The following MARK3 variants were observed in gnomAD, a reference collection of about 807,000 sequenced individuals.
MARK3 encodes MAP/microtubule affinity-regulating kinase 3.
In MARK3, 46 loss-of-function variants were observed where a neutral mutation model predicts 90.1. The observed-to-expected ratio is 0.51, with a 90% CI of 0.40 to 0.65. The LOEUF (loss-of-function observed/expected upper bound fraction) is 0.65. MARK3 is among the 30% of genes least tolerant of loss of function. The pLI, the probability that MARK3 is intolerant of heterozygous loss-of-function variation, is 0.00. For synonymous variants in MARK3, 321 were observed against 332.6 expected, an observed-to-expected ratio of 0.97 and a Z score of 0.38; for missense variants, 818 against 947.2, an observed-to-expected ratio of 0.86 and a Z score of 1.79.
rs562780072 is a variant in MARK3, at chr14:103,426,732, G to A, written c.244-1655G>A. 4.6e-5 allele frequency among the ~76,000 whole-genome samples: 7 copies of A among 152,126 alleles called. No individual in the cohort carries two copies. In the South Asian group the frequency reaches 1.5e-3, roughly 32 times the overall value. On this transcript the variant is annotated intron_variant, in intron 2 of 17. Transcript: ENST00000429436. The stretch of plus-strand genomic sequence containing the variant: ...GCTATAGTACTTCCTATATCCTAAT[G>A]GGTTTTAAAAACACTGGCTGGGGCA...
intron 1 of MARK3, among the ~76,000 whole-genome samples, chr14:103,387,009 C>T (rs1335868264): frequency 1.3e-5 from 2 of 152,194 alleles, no homozygotes; most frequent in Non-Finnish European, 2.9e-5. Flanking sequence ...AAAAGTGTTT[C>T]AATCTAGTTG....
At chr14:103,393,332 G>C (rs560286908) in intron 1 of MARK3, among the ~76,000 whole-genome samples, 2 of 152,266 alleles carry the variant, frequency 1.3e-5, no homozygotes, top group East Asian at 1.9e-4. Context: ...GAATCAAGCT[G>C]TTTGGGCCTT....
At chr14:103,497,709 A>G (rs935762209) in intron 15 of MARK3, among the ~76,000 whole-genome samples, 19 of 152,222 alleles carry the variant, frequency 1.2e-4, no homozygotes, top group Non-Finnish European at 2.9e-5. Flanking sequence ...ATACCACTGT[A>G]GCAAATAATA....
chr14:103,405,495 T>C (rs1033961361), intron 2 of MARK3, among the ~76,000 whole-genome samples: 5 of 151,870 alleles, frequency 3.3e-5, no homozygotes, highest in Non-Finnish European at 7.4e-5. Flanking sequence ...GCAGTACAGG[T>C]GCCCGCCACC....
chr14:103,455,649 A>G (rs1250645073), intron 5 of MARK3, among the ~76,000 whole-genome samples: 1 of 151,092 alleles, frequency 6.6e-6, no homozygotes, highest in Non-Finnish European at 1.5e-5. Flanking sequence ...AATTGCTTGA[A>G]CGTTGGAGGC....
At chr14:103,414,896 G>C (rs1207461638) in intron 2 of MARK3, among the ~76,000 whole-genome samples, 1 of 152,076 alleles carries the variant, frequency 6.6e-6, no homozygotes, top group South Asian at 2.1e-4. Context: ...ACTTTAGGAG[G>C]CCAAGGTGGG....
At chr14:103,442,833 AAAAT>A (rs1421341156) in intron 3 of MARK3, among the ~76,000 whole-genome samples, 1 of 152,240 alleles carries the variant, frequency 6.6e-6, no homozygotes. Flanking sequence ...AAAAGGGAAC[AAAAT>A]AAATCTCAGG....
At chr14:103,499,932 C>T in intron 16 of MARK3, 2 of 566,326 alleles carry the variant, frequency 3.5e-6, no homozygotes, top group Non-Finnish European at 6.4e-6. Context: ...CAGTGTGCAG[C>T]ATGGAGCTGG....
intron 13 of MARK3, among the ~76,000 whole-genome samples, chr14:103,478,845 A>G: frequency 6.6e-6 from 1 of 151,958 alleles, no homozygotes; most frequent in African/African-American, 2.4e-5. Context: ...AGCCTGCAGC[A>G]TGTATTAGTA....
intron 14 of MARK3, among the ~76,000 whole-genome samples, chr14:103,484,989 GGGCGGATCACCTGAGGTCA>G (rs1350327001): frequency 4.8e-4 from 73 of 150,818 alleles, no homozygotes; most frequent in African/African-American, 1.7e-3. Flanking sequence ...AAGCTGAGGT[GGGCGGATCACCTGAGGTCA>G]GGAGTTTGAG....
chr14:103,502,909 T>TG lies in MARK3; in HGVS notation c.1945dup (p.Glu649GlyfsTer20). ...GCAATGTATCTGCTGAGCAAAAAGA[T>TG]GAAAACAAAGAAGCAAAGCCTCGAT... On this transcript the variant is annotated frameshift_variant, in exon 18 of 18. Coordinates refer to ENST00000429436, the MANE Select transcript of MARK3 (RefSeq NM_001128918.3). LOFTEE classifies it high-confidence loss of function. 6.2e-7 allele frequency: 1 copy of TG among 1,612,362 alleles called. No individual in the cohort carries two copies. Among genetic ancestry groups the TG allele is most frequent in the Non-Finnish European group, 8.5e-7 (1 of 1,178,542 alleles).
At chr14:103,456,243 C>G (rs1051344237) in intron 5 of MARK3, among the ~76,000 whole-genome samples, 1 of 152,142 alleles carries the variant, frequency 6.6e-6, no homozygotes, top group Non-Finnish European at 1.5e-5. Flanking sequence ...GTACTGATCT[C>G]CCTCTTGGTC....
intron 14 of MARK3, among the ~76,000 whole-genome samples, chr14:103,481,640 CGT>C (rs3071411): frequency 0.97 from 145,429 of 150,418 alleles, 70,471 homozygotes; most frequent in Non-Finnish European, 1. Flanking sequence ...TTTTATGACT[CGT>C]GTGTGTGTGT....
intron 8 of MARK3, 33 bp from the exon 9 acceptor site, chr14:103,465,939 T>TA: frequency 6.2e-7 from 1 of 1,600,680 alleles, no homozygotes; most frequent in South Asian, 1.1e-5. Context: ...AAGGTTGACT[T>TA]ACTCGTTTTC....
At chr14:103,431,359 T>G (rs1452053027) in intron 3 of MARK3, among the ~76,000 whole-genome samples, 2 of 151,740 alleles carry the variant, frequency 1.3e-5, no homozygotes, top group Admixed American at 1.3e-4. Flanking sequence ...CAGCCTCCAC[T>G]TGCTGGGATT....
intron 5 of MARK3, among the ~76,000 whole-genome samples, chr14:103,454,679 G>A (rs549672021): frequency 1.3e-5 from 2 of 152,228 alleles, no homozygotes; most frequent in South Asian, 4.1e-4. Context: ...TCCCCCACCC[G>A]CCAGCCTGCT....
At chr14:103,436,473 A>G (rs929760209) in intron 3 of MARK3, among the ~76,000 whole-genome samples, 11 of 151,576 alleles carry the variant, frequency 7.3e-5, no homozygotes, top group African/African-American at 2.7e-4. Context: ...CAGGCCATTA[A>G]CAAAAGTAGT....
chr14:103,399,134 A>G (rs914186676), intron 1 of MARK3, among the ~76,000 whole-genome samples: 1 of 152,182 alleles, frequency 6.6e-6, no homozygotes, highest in Non-Finnish European at 1.5e-5. Context: ...TGTTAAAAAA[A>G]TTTTTTACGG....
chr14:103,499,906 A>G lies in MARK3; in HGVS notation c.1872-250A>G, dbSNP rs1031196422. The G allele has an allele frequency of 1.6e-5, 8 of 514,508 alleles. No homozygotes were observed. In the East Asian group the frequency reaches 1.7e-4, roughly 11 times the overall value. 31.9% of individuals were successfully genotyped at this position (514,508 alleles called of 1,614,324 possible). A position where few individuals can be genotyped will look rare whatever the true frequency, so the allele number is the denominator to read the frequency against. On this transcript the variant is annotated intron_variant, in intron 16 of 17. Coordinates refer to ENST00000429436, the MANE Select transcript of MARK3 (RefSeq NM_001128918.3). Reference sequence around the variant, plus strand: ...GCAGCGTGCAGCGGTATGGCATGCAATGTGTGTGATGTATGCAGTGTGCAG... The same window carrying G: ...GCAGCGTGCAGCGGTATGGCATGCAGTGTGTGTGATGTATGCAGTGTGCAG...
Sources: gnomAD v4.1 joint callset for allele counts (sites outside exome capture counted in the v4.1 genomes callset) on GRCh38, gnomAD v4.1.1 for gene constraint, MANE v1.5 for transcripts, NCBI Gene and HGNC (gene_info 2026-07-23, HGNC 2026-07-21) for gene names.